Variants in BLTP1 observed in about 807,000 individuals in gnomAD.
BLTP1 encodes fragile site-associated protein.
chr4:122,336,946 A>G, the BLTP1 span: 4 of 1,612,300 alleles, frequency 2.5e-6, no homozygotes, highest in Middle Eastern at 1.7e-4. Context: ...AGAATCAACA[A>G]CATCACTAGT....
the BLTP1 span, among the ~76,000 whole-genome samples, chr4:122,221,485 C>T: frequency 1.3e-5 from 2 of 151,754 alleles, no homozygotes; most frequent in African/African-American, 2.4e-5. Context: ...AGTTTTTTTC[C>T]ATGGTTAAGT....
chr4:122,200,345 A>T, the BLTP1 span: 1 of 868,886 alleles, frequency 1.2e-6, no homozygotes, highest in East Asian at 1.2e-4. Context: ...TGGGAGGCTG[A>T]GGCAGGCGGA....
At chr4:122,193,083 G>A in the BLTP1 span, among the ~76,000 whole-genome samples, 1 of 152,054 alleles carries the variant, frequency 6.6e-6, no homozygotes, top group Non-Finnish European at 1.5e-5. Context: ...GTGTACCTCT[G>A]TGTCCAGATC....
At chr4:122,199,305 GT>G in the BLTP1 span, 1 of 1,592,306 alleles carries the variant, frequency 6.3e-7, no homozygotes, top group Non-Finnish European at 8.6e-7. Context: ...GTCCAAAGAT[GT>G]TTCATTTTGT....
chr4:122,355,242 C>T, the BLTP1 span, among the ~76,000 whole-genome samples: 57,050 of 151,790 alleles, frequency 0.38, 10,782 homozygotes, highest in Middle Eastern at 0.56. Flanking sequence ...AATTCTAAGA[C>T]CTATAAAAGG....
chr4:122,163,945 C>A, the BLTP1 span, among the ~76,000 whole-genome samples: 58 of 152,270 alleles, frequency 3.8e-4, no homozygotes, highest in African/African-American at 1.2e-3. Flanking sequence ...GTGTCTACTT[C>A]CTTATTTGTA....
chr4:122,349,653 A>G, the BLTP1 span: 31 of 1,590,734 alleles, frequency 1.9e-5, no homozygotes, highest in African/African-American at 3.2e-4. The surrounding 1 kb of genome is among the most constrained non-coding windows in gnomAD (Gnocchi z 4.5). Flanking sequence ...GTATTTATTA[A>G]GGATTACTTT....
chr4:122,262,823 A>G, the BLTP1 span: 1 of 1,613,754 alleles, frequency 6.2e-7, no homozygotes. Context: ...CTGATTCTCC[A>G]GTGCATGTTG....
the BLTP1 span, among the ~76,000 whole-genome samples, chr4:122,244,258 G>A: frequency 0.13 from 19,198 of 151,974 alleles, 1,734 homozygotes; most frequent in African/African-American, 0.26. Flanking sequence ...CTAAATAATT[G>A]GAGTTGTCCC....
At chr4:122,168,744 T>C in the BLTP1 span, among the ~76,000 whole-genome samples, 1 of 152,178 alleles carries the variant, frequency 6.6e-6, no homozygotes, top group Non-Finnish European at 1.5e-5. Flanking sequence ...TATTGTAAAC[T>C]GAAAACATTT....
chr4:122,208,818 G>A, the BLTP1 span: 1 of 314,568 alleles, frequency 3.2e-6, no homozygotes, highest in African/African-American at 2.3e-5. Context: ...GAGGCAAGAT[G>A]GTTGCTTGAG....
the BLTP1 span, chr4:122,238,067 C>T: frequency 5.0e-5 from 80 of 1,607,504 alleles, 1 homozygote; most frequent in Middle Eastern, 8.3e-4. Context: ...TGTGTGTTCA[C>T]TTAACCCACC....
chr4:122,354,816 G>A, the BLTP1 span, among the ~76,000 whole-genome samples: 15 of 151,792 alleles, frequency 9.9e-5, no homozygotes, highest in East Asian at 9.7e-4. Flanking sequence ...ACAGGTGTGC[G>A]CCACCACGCC....
At chr4:122,229,018 A>G in the BLTP1 span, 1 of 956,496 alleles carries the variant, frequency 1.0e-6, no homozygotes, top group Non-Finnish European at 1.5e-6. Context: ...TAAAAAATAC[A>G]TCAATAACTA....
the BLTP1 span, among the ~76,000 whole-genome samples, chr4:122,308,908 T>C: frequency 4.3e-3 from 662 of 152,190 alleles, 5 homozygotes; most frequent in Non-Finnish European, 7.8e-3. Flanking sequence ...ATTGGTATGT[T>C]TGTGTTTCAG....
chr4:122,213,547 CT>C, the BLTP1 span, among the ~76,000 whole-genome samples: 522 of 151,754 alleles, frequency 3.4e-3, 3 homozygotes, highest in African/African-American at 0.011. Context: ...CCGAGATTGT[CT>C]TTTTTTAGTT....
chr4:122,260,039 C>T, the BLTP1 span: 1 of 443,736 alleles, frequency 2.3e-6, no homozygotes, highest in African/African-American at 2.2e-5. Context: ...GATCATTAGG[C>T]AATTTGTCAT....
the BLTP1 span, chr4:122,247,784 A>G: frequency 4.2e-5 from 42 of 998,312 alleles, no homozygotes; most frequent in Non-Finnish European, 4.4e-5. Context: ...TACAGCAGCA[A>G]TAAGGTGACA....
At chr4:122,197,987 A>T in the BLTP1 span, 5 of 984,842 alleles carry the variant, frequency 5.1e-6, no homozygotes, top group Admixed American at 3.1e-4. Context: ...ACTTACCCAC[A>T]TTTAAAATCA....
Sources: allele counts gnomAD v4.1 joint callset (sites outside exome capture counted in the v4.1 genomes callset), GRCh38; gene constraint gnomAD v4.1.1; non-coding constraint Gnocchi (gnomAD v3.1); transcripts MANE v1.5; gene names NCBI Gene and HGNC (gene_info 2026-07-23, HGNC 2026-07-21).